The following EMP1 variants were observed in gnomAD, a reference collection of about 807,000 sequenced individuals.
EMP1 encodes the protein tumor-associated membrane protein.
Under a neutral mutation model 15.7 loss-of-function variants are expected in EMP1, and 5 were observed. The ratio of observed to expected loss-of-function variants is 0.32; its 90% CI spans 0.17 to 0.67. EMP1 has a LOEUF of 0.67. EMP1 is among the 30% of genes least tolerant of loss of function. The probability of loss-of-function intolerance (pLI) is 0.74; values close to 1 mark genes in which losing one functional copy is unlikely to be tolerated. For synonymous variants in EMP1, 78 were observed against 76.7 expected (o/e 1.02, Z -0.09); for missense variants, 166 against 194.2 (o/e 0.85, Z 0.86).
chr12:13,211,434 AG>A lies in EMP1; in HGVS notation c.-42-34del. The A allele has an allele frequency of 2.0e-6, 3 of 1,479,236 alleles. No homozygotes were observed. The highest frequency in any genetic ancestry group is 2.8e-6 in the Non-Finnish European group (3 of 1,063,824). 91.6% of individuals were successfully genotyped at this position (1,479,236 alleles called of 1,614,324 possible). A position where few individuals can be genotyped will look rare whatever the true frequency, so the allele number is the denominator to read the frequency against. ...GCTGAGTCGTCTTATTGAATCTGAC[AG>A]TAACCGTTTTTGTCCCTTTCTTTTT... On this transcript the variant is annotated intron_variant, in intron 1 of 4. Transcript: ENST00000256951. The surrounding 1 kb of genome is among the most constrained non-coding windows in gnomAD (Gnocchi z 4.7).
rs1864224290 is a variant in EMP1 at position 13,217,422 on chromosome 12, A to G, written c.*2731A>G. 1 of 152,246 alleles carries G rather than the reference A, an allele frequency of 6.6e-6. No homozygotes were observed. The highest frequency in any genetic ancestry group is 2.4e-5 in the African/African-American group (1 of 41,462). 9.4% of individuals were successfully genotyped at this position (152,246 alleles called of 1,614,324 possible). On this transcript the variant is annotated 3_prime_UTR_variant, in exon 5 of 5. Coordinates refer to ENST00000256951, the MANE Select transcript of EMP1 (RefSeq NM_001423.3). The stretch of plus-strand genomic sequence containing the variant: ...GCACAGAGTATTGCACCAAAAATAC[A>G]CAATGGAGGCTGAAAAGTTCAACAT...
intron 2 of EMP1, 154 bp from the exon 3 acceptor site, chr12:13,213,325 C>A: frequency 1.4e-6 from 1 of 692,994 alleles, no homozygotes; most frequent in African/African-American, 1.8e-5. Context: ...TTAATCGGAC[C>A]TTATTTCCGC....
intron 1 of EMP1, among the ~76,000 whole-genome samples, chr12:13,202,043 A>C (rs1864070863): frequency 6.6e-6 from 1 of 152,024 alleles, no homozygotes. Context: ...CTGTGTGTTG[A>C]GGGAGGAGGC....
chr12:13,201,172 T>G (rs1864062509), intron 1 of EMP1, among the ~76,000 whole-genome samples: 1 of 152,158 alleles, frequency 6.6e-6, no homozygotes, highest in African/African-American at 2.4e-5. Context: ...CTTGGGAGAC[T>G]GAGGTGGGAG....
Position 13,216,039 on chromosome 12 carries a change from G to T in EMP1, c.*1348G>T, listed in dbSNP as rs1864212758. 5.5e-6 allele frequency: 1 copy of T among 183,050 alleles called. No individual in the cohort carries two copies. Among genetic ancestry groups the T allele is most frequent in the African/African-American group, 2.4e-5 (1 of 42,386 alleles). The allele number at this position is 183,050 out of a possible 1,614,324, so 11.3% of individuals were successfully genotyped here. ...TGGTACCTAGTCAGATGGTAGACGA[G>T]CTGTCTGCTGCCGCAGGAGCACCTC... On this transcript the variant is annotated 3_prime_UTR_variant, in exon 5 of 5. Coordinates refer to ENST00000256951, the MANE Select transcript of EMP1 (RefSeq NM_001423.3).
In EMP1 at chr12:13,219,845, G is replaced by A. The variant is rs1351511409; in HGVS notation, c.*5154G>A. The A allele has an allele frequency of 2.0e-5, 3 of 152,078 alleles. No homozygotes were observed. The highest frequency in any genetic ancestry group is 6.5e-5 in the Admixed American group (1 of 15,274). The allele number at this position is 152,078 out of a possible 1,614,324, so 9.4% of individuals were successfully genotyped here. A position where few individuals can be genotyped will look rare whatever the true frequency, so the allele number is the denominator to read the frequency against. ...GAACTCAGAGTATATTTTTCCATAC[G>A]AAAAATTCAGAACTATTTTATTTAT... On this transcript the variant is annotated 3_prime_UTR_variant, in exon 5 of 5. Transcript: ENST00000256951.
chr12:13,200,548 A>G (rs955087383), intron 1 of EMP1, among the ~76,000 whole-genome samples: 3 of 152,226 alleles, frequency 2.0e-5, no homozygotes. Flanking sequence ...TCAGTAATCA[A>G]GGAAGCCCAA....
In EMP1 at chr12:13,219,380, T is replaced by C. The variant is rs890350383; in HGVS notation, c.*4689T>C. The C allele has an allele frequency of 1.8e-4, 28 of 152,274 alleles. No homozygotes were observed. Among genetic ancestry groups the C allele is most frequent in the African/African-American group, 6.5e-4 (27 of 41,466 alleles). The allele number at this position is 152,274 out of a possible 1,614,324, so 9.4% of individuals were successfully genotyped here. ...GTGTGGACTTAATCGTCCACATCACTGTCAGCATTTTGGTTAAAACCATTC... is the reference window on the plus strand; with the variant it reads ...GTGTGGACTTAATCGTCCACATCACCGTCAGCATTTTGGTTAAAACCATTC... On this transcript the variant is annotated 3_prime_UTR_variant, in exon 5 of 5. Coordinates refer to ENST00000256951, the MANE Select transcript of EMP1 (RefSeq NM_001423.3).
At chr12:13,212,164 TG>T in intron 2 of EMP1, among the ~76,000 whole-genome samples, 1 of 152,260 alleles carries the variant, frequency 6.6e-6, no homozygotes, top group African/African-American at 2.4e-5. Flanking sequence ...AGTGGAGTTT[TG>T]CAAGATTAAC....
At chr12:13,209,858 C>T (rs565162041) in intron 1 of EMP1, among the ~76,000 whole-genome samples, 1 of 152,266 alleles carries the variant, frequency 6.6e-6, no homozygotes, top group Non-Finnish European at 1.5e-5. Flanking sequence ...TAATAGCAGA[C>T]ATGAAAGCTC....
chr12:13,211,076 T>G lies in EMP1; in HGVS notation c.-42-393T>G, dbSNP rs1354028657. ...TGGAAAATGGACATTTATATGACAT[T>G]GTTCAGAGACCTGGAAATTATAAAG... On this transcript the variant is annotated intron_variant, in intron 1 of 4. Transcript: ENST00000256951. This position sits in a 1 kb window ranked among gnomAD's most constrained non-coding sequence, Gnocchi z 4.7. 5.9e-5 allele frequency among the ~76,000 whole-genome samples: 9 copies of G among 152,214 alleles called. No individual in the cohort carries two copies. Among genetic ancestry groups the G allele is most frequent in the Non-Finnish European group, 1.3e-4 (9 of 68,034 alleles).
At chr12:13,201,526 G>A (rs1864066145) in intron 1 of EMP1, among the ~76,000 whole-genome samples, 1 of 152,182 alleles carries the variant, frequency 6.6e-6, no homozygotes, top group Non-Finnish European at 1.5e-5. Flanking sequence ...CTAGCAGCTG[G>A]CTTAATCTGT....
intron 1 of EMP1, among the ~76,000 whole-genome samples, chr12:13,205,486 A>C (rs919386614): frequency 1.3e-5 from 2 of 151,838 alleles, no homozygotes; most frequent in African/African-American, 2.4e-5. Flanking sequence ...ACTAAAGTCT[A>C]TGTATGTTAA....
rs1228671096 is a variant in EMP1, at chr12:13,216,775, T to G, written c.*2084T>G. The G allele has an allele frequency of 8.1e-6, 2 of 246,248 alleles. No homozygotes were observed. Among genetic ancestry groups the G allele is most frequent in the Non-Finnish European group, 1.5e-5 (2 of 129,736 alleles). The allele number at this position is 246,248 out of a possible 1,614,324, so 15.3% of individuals were successfully genotyped here. A position where few individuals can be genotyped will look rare whatever the true frequency, so the allele number is the denominator to read the frequency against. ...TAAAAACAGATTCTGATTCCCTTCA[T>G]TGTGTGAATGTTTTTTTCTAAAAAA... On this transcript the variant is annotated 3_prime_UTR_variant, in exon 5 of 5. Transcript: ENST00000256951.
At chr12:13,209,543 T>C (rs140847369) in intron 1 of EMP1, 23 of 152,282 alleles carry the variant, frequency 1.5e-4, no homozygotes, top group African/African-American at 5.5e-4. Context: ...TTATGAATAA[T>C]AGTAATAATA....
At chr12:13,200,611 A>G (rs1864057083) in intron 1 of EMP1, among the ~76,000 whole-genome samples, 1 of 152,196 alleles carries the variant, frequency 6.6e-6, no homozygotes, top group Admixed American at 6.5e-5. Context: ...GCCCCGACAT[A>G]CACACGTCCT....
In EMP1 at chr12:13,213,763, C is replaced by T. The variant is rs1864188298; in HGVS notation, c.258C>T (p.Leu86=). The T allele has an allele frequency of 1.2e-6, 2 of 1,614,218 alleles. No homozygotes were observed. Among genetic ancestry groups the T allele is most frequent in the South Asian group, 2.2e-5 (2 of 91,080 alleles). Residue 86 remains leucine, a synonymous_variant, in exon 4 of 5, where the codon CTC becomes CTT. Transcript: ENST00000256951. ...CCCTCCTGGTCTTCGTGTTCCAGCT[C>T]TTCACCATGGAGAAGGGAAACCGGT... ...VIALLVFVFQ[L]FTMEKGNRFF...
At chr12:13,210,801 C>G (rs146152160) in intron 1 of EMP1, among the ~76,000 whole-genome samples, 208 of 152,382 alleles carry the variant, frequency 1.4e-3, no homozygotes, top group African/African-American at 4.8e-3. Flanking sequence ...TGTAGTAATA[C>G]TAGTCTGAAA....
rs541676230 is a variant in EMP1, at chr12:13,212,358, A to G, written c.78+770A>G. Among the ~76,000 whole-genome samples, 9 of 152,334 alleles carry G rather than the reference A, an allele frequency of 5.9e-5. No homozygotes were observed. In the South Asian group the frequency reaches 1.9e-3, roughly 32 times the overall value. On this transcript the variant is annotated intron_variant, in intron 2 of 4. Coordinates refer to ENST00000256951, the MANE Select transcript of EMP1 (RefSeq NM_001423.3). The stretch of plus-strand genomic sequence containing the variant: ...TTGGACCTAAAAACCAAGGCCACCA[A>G]TCACTAGGCAGGCAAACCATGGTTT...
Sources: allele counts gnomAD v4.1 joint callset (sites outside exome capture counted in the v4.1 genomes callset), GRCh38; gene constraint gnomAD v4.1.1; non-coding constraint Gnocchi (gnomAD v3.1); transcripts MANE v1.5; gene names NCBI Gene and HGNC (gene_info 2026-07-23, HGNC 2026-07-21).